Variants in MKLN1 observed in about 807,000 individuals in gnomAD.
MKLN1 encodes muskelin.
A neutral mutation model predicts 99.0 loss-of-function variants in MKLN1; 18 were observed. The ratio of observed to expected loss-of-function variants is 0.18; its 90% CI spans 0.13 to 0.27. The LOEUF (loss-of-function observed/expected upper bound fraction) is 0.27, where lower values mean the gene tolerates loss of function less well. MKLN1 is among the 10% of genes least tolerant of loss of function. The probability of loss-of-function intolerance (pLI) is 1.00; values close to 1 mark genes in which losing one functional copy is unlikely to be tolerated. For synonymous variants in MKLN1, 288 were observed against 293.2 expected (o/e 0.98, Z 0.18); for missense variants, 621 against 875.9 (o/e 0.71, Z 3.67).
At chr7:131,155,072 A>G (rs956976457) in intron 2 of MKLN1, among the ~76,000 whole-genome samples, 2 of 152,210 alleles carry the variant, frequency 1.3e-5, no homozygotes, top group Non-Finnish European at 2.9e-5. Context: ...ATGTTCTTAT[A>G]GAGAAATTTA....
chr7:131,198,794 A>C (rs955004739), intron 2 of MKLN1, among the ~76,000 whole-genome samples: 1 of 152,240 alleles, frequency 6.6e-6, no homozygotes, highest in Non-Finnish European at 1.5e-5. Flanking sequence ...AAATATTACA[A>C]AGAAGAAGAA....
At chr7:131,391,960 A>G (rs1215200962) in intron 4 of MKLN1, among the ~76,000 whole-genome samples, 1 of 152,174 alleles carries the variant, frequency 6.6e-6, no homozygotes, top group African/African-American at 2.4e-5. Flanking sequence ...TTGGTTTTAG[A>G]TAAGACCTAG....
chr7:131,275,559 ATATATATATTTTTT>A (rs1457595972), intron 3 of MKLN1, among the ~76,000 whole-genome samples: 6 of 14,458 alleles, frequency 4.1e-4, no homozygotes, highest in East Asian at 4.3e-3. Context: ...ATATATATAT[ATATATATATTTTTT>A]TTTTTTTTTT....
intron 2 of MKLN1, among the ~76,000 whole-genome samples, chr7:131,386,759 T>TA (rs1794039979): frequency 6.6e-6 from 1 of 152,212 alleles, no homozygotes; most frequent in Non-Finnish European, 1.5e-5. Flanking sequence ...TCCATAGAAA[T>TA]ATGTAATTGT....
intron 3 of MKLN1, among the ~76,000 whole-genome samples, chr7:131,263,346 T>C (rs28709607): frequency 1.6e-5 from 2 of 128,134 alleles, no homozygotes; most frequent in African/African-American, 5.6e-5. Flanking sequence ...TCTACAATTA[T>C]TAATAATAAT....
chr7:131,285,452 C>T (rs959168383), intron 3 of MKLN1, among the ~76,000 whole-genome samples: 7 of 152,212 alleles, frequency 4.6e-5, no homozygotes, highest in African/African-American at 1.7e-4. Context: ...GAGGTAGAAG[C>T]TCAGCAAAGG....
chr7:131,111,020 G>T (rs1795188514), intron 1 of MKLN1, among the ~76,000 whole-genome samples: 1 of 152,214 alleles, frequency 6.6e-6, no homozygotes, highest in African/African-American at 2.4e-5. Flanking sequence ...GGCTTGGCAC[G>T]TAGGAACATT....
chr7:131,379,379 A>G (rs116022661), intron 2 of MKLN1, among the ~76,000 whole-genome samples: 1,642 of 152,332 alleles, frequency 0.011, 10 homozygotes, highest in South Asian at 0.022. Context: ...AATTACTGAA[A>G]GATACTGGAG....
intron 1 of MKLN1, among the ~76,000 whole-genome samples, chr7:131,366,502 T>C (rs761315584): frequency 2.6e-5 from 4 of 152,134 alleles, no homozygotes; most frequent in Non-Finnish European, 5.9e-5. Context: ...CTGTTATATT[T>C]AAGTATTCTT....
intron 3 of MKLN1, among the ~76,000 whole-genome samples, chr7:131,256,999 A>G (rs1797666829): frequency 6.6e-6 from 1 of 152,238 alleles, no homozygotes; most frequent in African/African-American, 2.4e-5. Context: ...TAACCTTTAT[A>G]TAAGCTCTAT....
chr7:131,482,603 T>C (rs536335481), intron 17 of MKLN1, among the ~76,000 whole-genome samples: 1 of 152,286 alleles, frequency 6.6e-6, no homozygotes, highest in South Asian at 2.1e-4. Context: ...AAGTTAAAAG[T>C]ATATTCCTAG....
intron 1 of MKLN1, among the ~76,000 whole-genome samples, chr7:131,334,380 T>G (rs1299194802): frequency 2.0e-5 from 3 of 152,158 alleles, no homozygotes; most frequent in African/African-American, 7.2e-5. Context: ...AAGTTCTGTG[T>G]TTTTCAGTCT....
chr7:131,450,877 G>A (rs1282386625), intron 12 of MKLN1, among the ~76,000 whole-genome samples: 2 of 152,178 alleles, frequency 1.3e-5, no homozygotes, highest in Non-Finnish European at 2.9e-5. Context: ...AATCTTGACT[G>A]TGCTTTTCAA....
chr7:131,242,027 C>T (rs920399743), intron 3 of MKLN1, among the ~76,000 whole-genome samples: 7 of 152,134 alleles, frequency 4.6e-5, no homozygotes, highest in Admixed American at 2.0e-4. Context: ...TTCTCAATAG[C>T]ACATTGAGCA....
At chr7:131,394,130 A>C (rs576492191) in intron 4 of MKLN1, among the ~76,000 whole-genome samples, 15 of 152,070 alleles carry the variant, frequency 9.9e-5, no homozygotes, top group Admixed American at 2.6e-4. Context: ...TAAAACAATA[A>C]AGATAATTTA....
chr7:131,232,927 A>G (rs1410318966), intron 3 of MKLN1, among the ~76,000 whole-genome samples: 3 of 152,208 alleles, frequency 2.0e-5, no homozygotes, highest in Non-Finnish European at 2.9e-5. Flanking sequence ...ACCACTGAGT[A>G]TGATGCTCAC....
chr7:131,296,840 G>A (rs751374044), intron 3 of MKLN1, among the ~76,000 whole-genome samples: 1 of 152,098 alleles, frequency 6.6e-6, no homozygotes, highest in Admixed American at 6.5e-5. Flanking sequence ...AGGATCAAGC[G>A]ATCCTTCCAC....
At chr7:131,464,752 G>A (rs1584770693) in intron 14 of MKLN1, among the ~76,000 whole-genome samples, 1 of 152,134 alleles carries the variant, frequency 6.6e-6, no homozygotes, top group African/African-American at 2.4e-5. Context: ...ACCTTGTTCC[G>A]TGATATAACA....
At chr7:131,373,377 A>G (rs766677577) in intron 1 of MKLN1, among the ~76,000 whole-genome samples, 53 of 152,154 alleles carry the variant, frequency 3.5e-4, no homozygotes, top group Non-Finnish European at 6.3e-4. Flanking sequence ...AATTAGCCCA[A>G]TGTATTTTAT....
Sources: allele counts gnomAD v4.1 joint callset (sites outside exome capture counted in the v4.1 genomes callset), GRCh38; gene constraint gnomAD v4.1.1; transcripts MANE v1.5; gene names NCBI Gene and HGNC (gene_info 2026-07-23, HGNC 2026-07-21).